Variants in RIC3 observed in about 807,000 individuals in gnomAD.
The protein encoded by RIC3 is protein RIC-3.
Under a neutral mutation model 27.3 loss-of-function variants are expected in RIC3, and 28 were observed. The ratio of observed to expected loss-of-function variants is 1.02; its 90% CI spans 0.76 to 1.41. The LOEUF (loss-of-function observed/expected upper bound fraction) is 1.41. Ranked by LOEUF, RIC3 falls within the 40% of genes most tolerant of loss-of-function variation. The pLI, the probability that RIC3 is intolerant of heterozygous loss-of-function variation, is 0.00. For missense variants in RIC3, 501 were observed against 444.7 expected (o/e 1.13, Z -1.14); for synonymous variants, 184 against 160.4 (o/e 1.15, Z -1.11).
rs147582934 is a variant in RIC3, at chr11:8,158,277, T to C, written c.124+10589A>G. On this transcript the variant is annotated intron_variant, in intron 1 of 5. Transcript: ENST00000309737. The stretch of plus-strand genomic sequence containing the variant: ...GGAGAACATCGTGACAAAGGGTCTG[T>C]GCTATTCCACAGGAACAGGGCCACT... Among the ~76,000 whole-genome samples, 946 of 152,246 alleles carry C rather than the reference T, an allele frequency of 6.2e-3. 22 individuals carry two copies. Among genetic ancestry groups the C allele is most frequent in the Admixed American group, 0.051 (779 of 15,290 alleles).
At position 8,110,486 on chromosome 11, in the gene RIC3, G is replaced by A. The variant is rs182912092; in HGVS notation, c.*212C>T. ...GAGGAAAGGCAGGAAGAGAAAGAGC[G>A]AAGCTGTCCTGTGTTCACACTAATG... On this transcript the variant is annotated 3_prime_UTR_variant, in exon 6 of 6. Transcript: ENST00000309737. 3.8e-5 allele frequency: 24 copies of A among 627,760 alleles called. No individual in the cohort carries two copies. The highest frequency in any genetic ancestry group is 9.1e-5 in the African/African-American group (5 of 54,982). 38.9% of individuals were successfully genotyped at this position (627,760 alleles called of 1,614,324 possible). A position where few individuals can be genotyped will look rare whatever the true frequency, so the allele number is the denominator to read the frequency against.
the RIC3 span, chr11:8,096,821 C>A: frequency 6.2e-7 from 1 of 1,614,014 alleles, no homozygotes; most frequent in Non-Finnish European, 8.5e-7. Flanking sequence ...GTGAGTGAGT[C>A]TGCATCCACA....
At chr11:8,156,094 G>T (rs1269184337) in intron 1 of RIC3, among the ~76,000 whole-genome samples, 1 of 151,994 alleles carries the variant, frequency 6.6e-6, no homozygotes, top group South Asian at 2.1e-4. Context: ...AGATCATTGT[G>T]TGTCTAAGTT....
chr11:8,131,117 C>G (rs1947645002), intron 4 of RIC3, among the ~76,000 whole-genome samples: 1 of 151,684 alleles, frequency 6.6e-6, no homozygotes, highest in Admixed American at 6.6e-5. Flanking sequence ...TTCACTCACT[C>G]ACTCACTCAC....
At chr11:8,152,688 C>G (rs1454788580) in intron 1 of RIC3, among the ~76,000 whole-genome samples, 1 of 151,996 alleles carries the variant, frequency 6.6e-6, no homozygotes, top group African/African-American at 2.4e-5. Flanking sequence ...TACGAATATA[C>G]TAAAAACTAC....
intron 1 of RIC3, among the ~76,000 whole-genome samples, chr11:8,141,881 A>G (rs1949115057): frequency 2.6e-5 from 4 of 151,946 alleles, no homozygotes; most frequent in Admixed American, 2.0e-4. Context: ...CTCACTCAAA[A>G]CCGCTCAACT....
At chr11:8,100,195 A>G in the RIC3 span, among the ~76,000 whole-genome samples, 2 of 152,224 alleles carry the variant, frequency 1.3e-5, no homozygotes, top group Non-Finnish European at 2.9e-5. Flanking sequence ...GAGCTGACAG[A>G]AACTGCTGAT....
At chr11:8,163,750 T>C (rs917608864) in intron 1 of RIC3, among the ~76,000 whole-genome samples, 1 of 151,450 alleles carries the variant, frequency 6.6e-6, no homozygotes, top group Non-Finnish European at 1.5e-5. Context: ...AGATTTAATA[T>C]TGGTAAGATG....
chr11:8,112,102 T>C (rs1945333624), intron 5 of RIC3, among the ~76,000 whole-genome samples: 1 of 152,226 alleles, frequency 6.6e-6, no homozygotes, highest in African/African-American at 2.4e-5. Flanking sequence ...TGGAGACATT[T>C]CTACATTTAC....
At chr11:8,138,513 T>C (rs1379918054) in intron 2 of RIC3, 166 bp from the exon 3 acceptor site, 1 of 517,790 alleles carries the variant, frequency 1.9e-6, no homozygotes, top group Admixed American at 3.7e-5. Context: ...CGCCAAAAGA[T>C]GAGGTTTCCA....
chr11:8,094,400 C>T, the RIC3 span, among the ~76,000 whole-genome samples: 2 of 152,144 alleles, frequency 1.3e-5, no homozygotes, highest in Admixed American at 1.3e-4. Context: ...GGCATGCCTA[C>T]CACACTGCCA....
intron 1 of RIC3, 66 bp downstream of exon 1, chr11:8,168,800 C>T (rs1951999487): frequency 1.3e-6 from 2 of 1,552,986 alleles, no homozygotes; most frequent in Admixed American, 1.9e-5. Flanking sequence ...AGTCACCCCT[C>T]CCTCAAGCAG....
intron 1 of RIC3, among the ~76,000 whole-genome samples, chr11:8,143,575 A>C (rs1354308470): frequency 6.6e-6 from 1 of 152,090 alleles, no homozygotes; most frequent in East Asian, 1.9e-4. Context: ...GGTAGGAAGA[A>C]TCAGTATCGT....
chr11:8,098,062 CCCA>C, the RIC3 span, among the ~76,000 whole-genome samples: 1 of 152,060 alleles, frequency 6.6e-6, no homozygotes, highest in Non-Finnish European at 1.5e-5. Flanking sequence ...TGGGTGCAGG[CCCA>C]CCAAGAGTGA....
At position 8,163,659 on chromosome 11, in the gene RIC3, C is replaced by T. The variant is rs79498394; in HGVS notation, c.124+5207G>A. Among the ~76,000 whole-genome samples the T allele has an allele frequency of 4.0e-3, 615 of 152,132 alleles. 4 individuals carry two copies. Among genetic ancestry groups the T allele is most frequent in the African/African-American group, 0.014 (574 of 41,532 alleles). ...AATATATTTAACAAAATAAGACTTTCACACTAAAAACTACAATCTCCTTTA... is the reference window on the plus strand; with the variant it reads ...AATATATTTAACAAAATAAGACTTTTACACTAAAAACTACAATCTCCTTTA... On this transcript the variant is annotated intron_variant, in intron 1 of 5. Transcript: ENST00000309737.
downstream of RIC3, chr11:8,104,978 TTAAA>T (rs953025698): frequency 2.7e-5 from 4 of 147,146 alleles, no homozygotes; most frequent in Non-Finnish European, 4.4e-5. Context: ...CATTTACCTC[TTAAA>T]TAAACTTAGC....
At chr11:8,098,692 G>A in the RIC3 span, 16 of 1,248,378 alleles carry the variant, frequency 1.3e-5, no homozygotes, top group East Asian at 4.7e-5. Flanking sequence ...TAGGACAGAC[G>A]ATGAGCTGTT....
intron 5 of RIC3, among the ~76,000 whole-genome samples, chr11:8,123,048 G>A (rs962057174): frequency 6.6e-6 from 1 of 151,846 alleles, no homozygotes; most frequent in African/African-American, 2.4e-5. Context: ...ACATAAAAAA[G>A]ACCCAAATGA....
rs1036596992 is a variant in RIC3 at position 8,107,693 on chromosome 11, G to T, written c.*3005C>A. On this transcript the variant is annotated 3_prime_UTR_variant, in exon 6 of 6. Transcript: ENST00000309737. ...CCCAGCTTCTGGAGCTAGTCATGGA[G>T]ATAATGGTTTCTTTGTGCTCCTGTT... 1 of 152,242 alleles carries T rather than the reference G, an allele frequency of 6.6e-6. No homozygotes were observed. Among genetic ancestry groups the T allele is most frequent in the Non-Finnish European group, 1.5e-5 (1 of 68,070 alleles). The allele number at this position is 152,242 out of a possible 1,614,324, so 9.4% of individuals were successfully genotyped here.
Sources: allele counts gnomAD v4.1 joint callset (sites outside exome capture counted in the v4.1 genomes callset), GRCh38; gene constraint gnomAD v4.1.1; transcripts MANE v1.5; gene names NCBI Gene and HGNC (gene_info 2026-07-23, HGNC 2026-07-21).